Variants in CADPS2 observed in about 807,000 individuals in gnomAD.
CADPS2 encodes the protein calcium-dependent secretion activator 2.
Under a neutral mutation model 172.5 loss-of-function variants are expected in CADPS2, and 93 were observed. The observed-to-expected ratio is 0.54, with a 90% CI of 0.46 to 0.64. The LOEUF is 0.64. CADPS2 is among the 30% of genes least tolerant of loss of function. CADPS2 has a pLI of 0.00. For missense variants in CADPS2, 1,420 were observed against 1,565.9 expected, an observed-to-expected ratio of 0.91 and a Z score of 1.57; for synonymous variants, 546 against 555.2, an observed-to-expected ratio of 0.98 and a Z score of 0.23.
rs373171401 is a variant in CADPS2, at chr7:122,658,554, C to T, written c.786+4683G>A. 2.1e-3 allele frequency among the ~76,000 whole-genome samples: 318 copies of T among 152,192 alleles called. 1 individual carries two copies. The highest frequency in any genetic ancestry group is 7.0e-3 in the African/African-American group (291 of 41,504). On this transcript the variant is annotated intron_variant, in intron 3 of 29. Transcript: ENST00000449022. Reference sequence around the variant, plus strand: ...ATACACCATGGAAATACTATGCAGCCGTAAAAAAGGATGAGTTAATGTCCT... The same window carrying T: ...ATACACCATGGAAATACTATGCAGCTGTAAAAAAGGATGAGTTAATGTCCT...
chr7:122,546,920 G>GA (rs888480480), intron 8 of CADPS2, among the ~76,000 whole-genome samples: 3 of 151,436 alleles, frequency 2.0e-5, no homozygotes, highest in Non-Finnish European at 4.4e-5. Context: ...ATCTAAATGT[G>GA]AAAAAAAAGT....
chr7:122,620,420 G>T (rs2075455961), intron 5 of CADPS2, among the ~76,000 whole-genome samples: 1 of 151,944 alleles, frequency 6.6e-6, no homozygotes, highest in Admixed American at 6.6e-5. Flanking sequence ...AAGATGTCAG[G>T]TGTGTGTGTG....
intron 29 of CADPS2, among the ~76,000 whole-genome samples, chr7:122,323,873 TTATATATATATATATATATA>T (rs71159788): frequency 0.18 from 20,345 of 111,908 alleles, 2,157 homozygotes; most frequent in South Asian, 0.24. Context: ...TATGTATATT[TTATATATATATATATATATA>T]TATATATATA....
intron 2 of CADPS2, among the ~76,000 whole-genome samples, chr7:122,689,041 C>T (rs1284794323): frequency 2.0e-5 from 3 of 151,990 alleles, no homozygotes; most frequent in Admixed American, 6.6e-5. Flanking sequence ...TAGTGAGGAC[C>T]GGTGCACATA....
At chr7:122,805,398 T>A (rs750113911) in intron 1 of CADPS2, among the ~76,000 whole-genome samples, 3 of 152,166 alleles carry the variant, frequency 2.0e-5, no homozygotes, top group Non-Finnish European at 2.9e-5. Flanking sequence ...GACCTAGTGA[T>A]CCGCCTGCCT....
chr7:122,752,132 A>G lies in CADPS2; in HGVS notation c.340-15064T>C, dbSNP rs76476248. Among the ~76,000 whole-genome samples the G allele has an allele frequency of 1.2e-4, 18 of 152,320 alleles. No homozygotes were observed. In the East Asian group the frequency reaches 3.3e-3, roughly 28 times the overall value. On this transcript the variant is annotated intron_variant, in intron 1 of 29. Coordinates refer to ENST00000449022, the MANE Select transcript of CADPS2 (RefSeq NM_017954.11). ...AATCTAGGATGTGAATAAATAGAAT[A>G]GAAAAACTTAAATATTTTTGTGCTA...
chr7:122,647,259 G>A (rs532042776), intron 3 of CADPS2, among the ~76,000 whole-genome samples: 1 of 151,984 alleles, frequency 6.6e-6, no homozygotes, highest in Non-Finnish European at 1.5e-5. Context: ...ATCCCAATAT[G>A]TTCTAAATTC....
At chr7:122,476,906 C>T (rs73218203) in intron 12 of CADPS2, among the ~76,000 whole-genome samples, 5,250 of 149,862 alleles carry the variant, frequency 0.035, 133 homozygotes, top group Non-Finnish European at 0.054. Flanking sequence ...GTCTTAGTTT[C>T]CATGAATTTA....
intron 1 of CADPS2, among the ~76,000 whole-genome samples, chr7:122,833,854 T>C (rs1277993217): frequency 6.6e-6 from 1 of 152,220 alleles, no homozygotes; most frequent in Non-Finnish European, 1.5e-5. Flanking sequence ...TAAAGAAGTT[T>C]TTTAAAGCAC....
chr7:122,712,117 T>G (rs1014058560), intron 2 of CADPS2, among the ~76,000 whole-genome samples: 1 of 152,266 alleles, frequency 6.6e-6, no homozygotes, highest in East Asian at 1.9e-4. Context: ...CTATAATATC[T>G]TGTGATATTT....
At chr7:122,749,713 G>T (rs1397475103) in intron 1 of CADPS2, among the ~76,000 whole-genome samples, 1 of 151,506 alleles carries the variant, frequency 6.6e-6, no homozygotes, top group Non-Finnish European at 1.5e-5. Flanking sequence ...AATTTTAGTG[G>T]CAAAAATGCC....
At chr7:122,875,748 A>C (rs1399005683) in intron 1 of CADPS2, among the ~76,000 whole-genome samples, 1 of 152,180 alleles carries the variant, frequency 6.6e-6, no homozygotes, top group Non-Finnish European at 1.5e-5. Flanking sequence ...TATTTAAATA[A>C]AAATGCTTTA....
intron 7 of CADPS2, among the ~76,000 whole-genome samples, chr7:122,571,324 T>C (rs2067227421): frequency 6.6e-6 from 1 of 152,126 alleles, no homozygotes; most frequent in African/African-American, 2.4e-5. Flanking sequence ...ATTAGTACAG[T>C]GTACATGTCT....
chr7:122,805,961 T>C (rs546143593), intron 1 of CADPS2, among the ~76,000 whole-genome samples: 2 of 152,340 alleles, frequency 1.3e-5, no homozygotes, highest in East Asian at 1.9e-4. Flanking sequence ...AATAGCCCTT[T>C]CTCTGTTAAG....
At chr7:122,797,964 GTTTA>G (rs1299720566) in intron 1 of CADPS2, among the ~76,000 whole-genome samples, 3 of 150,580 alleles carry the variant, frequency 2.0e-5, no homozygotes, top group Non-Finnish European at 3.0e-5. Flanking sequence ...AGTTATACAT[GTTTA>G]TTTAATATTT....
intron 1 of CADPS2, among the ~76,000 whole-genome samples, chr7:122,824,967 T>C (rs1468279313): frequency 6.6e-6 from 1 of 152,212 alleles, no homozygotes; most frequent in Non-Finnish European, 1.5e-5. Context: ...ATCATTTTCA[T>C]ATACTAAATT....
At chr7:122,795,046 C>T (rs1183593012) in intron 1 of CADPS2, among the ~76,000 whole-genome samples, 26 of 151,872 alleles carry the variant, frequency 1.7e-4, no homozygotes, top group Admixed American at 1.7e-3. Context: ...AACCTCACAT[C>T]ACAACTGAAA....
intron 2 of CADPS2, among the ~76,000 whole-genome samples, chr7:122,717,930 T>C (rs1041916751): frequency 4.0e-5 from 6 of 148,822 alleles, no homozygotes; most frequent in Admixed American, 2.0e-4. Flanking sequence ...TGCTTCAGCC[T>C]CCCGAGTTGC....
At chr7:122,650,465 T>G (rs994381355) in intron 3 of CADPS2, among the ~76,000 whole-genome samples, 2 of 152,122 alleles carry the variant, frequency 1.3e-5, no homozygotes, top group African/African-American at 4.8e-5. Flanking sequence ...TGTTCTCTTA[T>G]TTTTAAAAAG....
Sources: gnomAD v4.1 joint callset for allele counts (sites outside exome capture counted in the v4.1 genomes callset) on GRCh38, gnomAD v4.1.1 for gene constraint, MANE v1.5 for transcripts, NCBI Gene and HGNC (gene_info 2026-07-23, HGNC 2026-07-21) for gene names.